Variants in TESK2 observed in about 807,000 individuals in gnomAD.
The protein encoded by TESK2 is testis associated actin remodelling kinase 2.
In TESK2, 39 loss-of-function variants were observed where a neutral mutation model predicts 57.1. The observed-to-expected ratio is 0.68, with a 90% CI of 0.53 to 0.89. The LOEUF is 0.89. Among genes scored for constraint, TESK2 ranks in the 40% least tolerant of loss-of-function variants. TESK2 has a pLI of 0.00. For missense variants in TESK2, 646 were observed against 732.1 expected (o/e 0.88, Z 1.36); for synonymous variants, 249 against 267.9 (o/e 0.93, Z 0.69).
chr1:45,462,720 C>T (rs1389781672), intron 1 of TESK2, among the ~76,000 whole-genome samples: 1 of 152,146 alleles, frequency 6.6e-6, no homozygotes, highest in African/African-American at 2.4e-5. Flanking sequence ...AACGTCTCTT[C>T]GCTATACTGA....
chr1:45,384,733 ATCT>A (rs1254608074), intron 4 of TESK2, among the ~76,000 whole-genome samples: 1 of 145,256 alleles, frequency 6.9e-6, no homozygotes, highest in African/African-American at 2.6e-5. Context: ...GCTCTTGGTC[ATCT>A]TCTCTATCTA....
At chr1:45,478,258 C>G (rs1193807651) in intron 1 of TESK2, among the ~76,000 whole-genome samples, 1 of 152,214 alleles carries the variant, frequency 6.6e-6, no homozygotes, top group Non-Finnish European at 1.5e-5. Flanking sequence ...CAGTAATCAT[C>G]TCATGTGGGA....
intron 1 of TESK2, among the ~76,000 whole-genome samples, chr1:45,466,075 C>A (rs11586369): frequency 0.047 from 7,219 of 152,092 alleles, 237 homozygotes; most frequent in South Asian, 0.068. Flanking sequence ...GGGCATGGTG[C>A]CTTACGTCTA....
intron 3 of TESK2, among the ~76,000 whole-genome samples, chr1:45,414,691 T>C (rs1400730385): frequency 2.0e-5 from 3 of 152,204 alleles, no homozygotes; most frequent in Non-Finnish European, 4.4e-5. Context: ...AAGGCAAAGA[T>C]GTAGGTAGCC....
At chr1:45,365,537 T>TA (rs1647876056) in intron 4 of TESK2, among the ~76,000 whole-genome samples, 1 of 151,978 alleles carries the variant, frequency 6.6e-6, no homozygotes, top group Admixed American at 6.6e-5. Context: ...TATTTTGAGA[T>TA]AAAGTTTCCC....
chr1:45,414,168 T>C (rs1650145055), intron 3 of TESK2, among the ~76,000 whole-genome samples: 1 of 152,202 alleles, frequency 6.6e-6, no homozygotes, highest in African/African-American at 2.4e-5. Flanking sequence ...ATAATTTCCT[T>C]TTGTTGTCTT....
intron 4 of TESK2, among the ~76,000 whole-genome samples, chr1:45,368,646 A>G (rs993566487): frequency 2.6e-5 from 4 of 151,706 alleles, no homozygotes; most frequent in African/African-American, 9.7e-5. Flanking sequence ...AAGTGCTGAG[A>G]TTACAGGCAT....
chr1:45,458,841 T>G (rs931864085), intron 1 of TESK2, among the ~76,000 whole-genome samples: 44 of 152,276 alleles, frequency 2.9e-4, no homozygotes, highest in African/African-American at 9.9e-4. Context: ...ATCTGGTACA[T>G]AACTAAGAAT....
At chr1:45,432,420 G>A (rs1028109957) in intron 2 of TESK2, among the ~76,000 whole-genome samples, 1 of 151,482 alleles carries the variant, frequency 6.6e-6, no homozygotes, top group South Asian at 2.1e-4. Context: ...GTCCAGGCAC[G>A]GTGGCTCACG....
intron 5 of TESK2, among the ~76,000 whole-genome samples, chr1:45,350,574 G>A (rs1004592312): frequency 6.6e-6 from 1 of 152,236 alleles, no homozygotes; most frequent in Non-Finnish European, 1.5e-5. Flanking sequence ...AGCACAGGGA[G>A]ATCAGTGACC....
At chr1:45,374,072 C>G (rs1648310283) in intron 4 of TESK2, among the ~76,000 whole-genome samples, 1 of 152,188 alleles carries the variant, frequency 6.6e-6, no homozygotes, top group Non-Finnish European at 1.5e-5. Context: ...GAAAGATTAG[C>G]TAGAAATCCT....
chr1:45,348,492 C>T (rs1647182306), intron 5 of TESK2, among the ~76,000 whole-genome samples: 1 of 152,170 alleles, frequency 6.6e-6, no homozygotes, highest in Non-Finnish European at 1.5e-5. Context: ...TCACAACCAA[C>T]CTCTTCTCTG....
intron 2 of TESK2, among the ~76,000 whole-genome samples, chr1:45,437,864 A>T (rs1057367392): frequency 1.3e-5 from 2 of 152,232 alleles, no homozygotes; most frequent in African/African-American, 4.8e-5. Context: ...GAGACAGACA[A>T]GCAAAGCTTC....
At chr1:45,350,241 C>G (rs933998305) in intron 5 of TESK2, among the ~76,000 whole-genome samples, 1 of 152,166 alleles carries the variant, frequency 6.6e-6, no homozygotes, top group Non-Finnish European at 1.5e-5. Flanking sequence ...AAAAGGGTGG[C>G]CATGGATGCA....
intron 1 of TESK2, among the ~76,000 whole-genome samples, 184 bp from the exon 2 acceptor site, chr1:45,458,055 T>C (rs1249979502): frequency 1.3e-5 from 2 of 152,210 alleles, no homozygotes; most frequent in East Asian, 3.8e-4. Context: ...ATAGTCAGTC[T>C]TTACCATGAG....
intron 4 of TESK2, among the ~76,000 whole-genome samples, chr1:45,376,026 T>C (rs1289354549): frequency 6.6e-6 from 1 of 152,068 alleles, no homozygotes; most frequent in African/African-American, 2.4e-5. Context: ...AGAACAGAAA[T>C]GTACCACAGT....
intron 2 of TESK2, among the ~76,000 whole-genome samples, chr1:45,437,145 G>T (rs1205587589): frequency 6.6e-6 from 1 of 152,092 alleles, no homozygotes; most frequent in Non-Finnish European, 1.5e-5. Context: ...ATTGTTTTTG[G>T]GTAGCATGGT....
intron 4 of TESK2, among the ~76,000 whole-genome samples, chr1:45,384,359 G>A (rs75883462): frequency 3.4e-5 from 5 of 145,720 alleles, no homozygotes; most frequent in African/African-American, 5.1e-5. Context: ...ATGTATGTAC[G>A]TACGTATCTA....
At chr1:45,396,809 T>TG (rs1159595615) in intron 3 of TESK2, among the ~76,000 whole-genome samples, 2 of 137,122 alleles carry the variant, frequency 1.5e-5, no homozygotes, top group Non-Finnish European at 3.2e-5. Context: ...TAAGTTGTTT[T>TG]TTTTTTTTTT....
Sources: gnomAD v4.1 joint callset for allele counts (sites outside exome capture counted in the v4.1 genomes callset) on GRCh38, gnomAD v4.1.1 for gene constraint, MANE v1.5 for transcripts, NCBI Gene and HGNC (gene_info 2026-07-23, HGNC 2026-07-21) for gene names.